RHOBTB1: variants seen among roughly 807,000 people sequenced by gnomAD.
The protein encoded by RHOBTB1 is rho-related BTB domain-containing protein 1.
A neutral mutation model predicts 71.6 loss-of-function variants in RHOBTB1; 40 were observed. That is an observed-to-expected ratio of 0.56 (90% CI 0.43 to 0.73). The LOEUF is 0.73. Ranked by LOEUF, RHOBTB1 falls within the 30% of genes least tolerant of loss-of-function variation. The probability of loss-of-function intolerance (pLI) is 0.00; values close to 1 mark genes in which losing one functional copy is unlikely to be tolerated. For missense variants in RHOBTB1, 797 were observed against 894.0 expected, an observed-to-expected ratio of 0.89 and a Z score of 1.38; for synonymous variants, 319 against 334.9, an observed-to-expected ratio of 0.95 and a Z score of 0.52.
intron 2 of RHOBTB1, among the ~76,000 whole-genome samples, chr10:60,938,207 C>T (rs564077529): frequency 6.6e-6 from 1 of 152,322 alleles, no homozygotes; most frequent in South Asian, 2.1e-4. Context: ...CATATCTTTG[C>T]ACGACTGGAA....
At chr10:60,983,238 G>T (rs181556264) in intron 2 of RHOBTB1, among the ~76,000 whole-genome samples, 3 of 152,236 alleles carry the variant, frequency 2.0e-5, no homozygotes, top group Admixed American at 2.0e-4. Context: ...GAGAAGAAAT[G>T]CTTCCTTAGG....
intron 2 of RHOBTB1, among the ~76,000 whole-genome samples, chr10:60,980,036 G>T (rs993112210): frequency 3.9e-5 from 6 of 152,198 alleles, no homozygotes; most frequent in African/African-American, 1.4e-4. Flanking sequence ...CTGACTCTGA[G>T]TGAAACAGGG....
At chr10:60,912,591 G>T (rs557993492) in intron 2 of RHOBTB1, among the ~76,000 whole-genome samples, 5 of 152,300 alleles carry the variant, frequency 3.3e-5, no homozygotes, top group African/African-American at 1.2e-4. Flanking sequence ...ATTATCTTCT[G>T]TGTTTTCATC....
chr10:60,900,609 G>A (rs529104499), intron 4 of RHOBTB1, among the ~76,000 whole-genome samples: 3 of 152,222 alleles, frequency 2.0e-5, no homozygotes, highest in South Asian at 4.2e-4. Context: ...ACAGTGTAAG[G>A]AAACAGGCCC....
intron 4 of RHOBTB1, 46 bp from the exon 5 acceptor site, chr10:60,893,041 T>C: frequency 6.8e-7 from 1 of 1,474,820 alleles, no homozygotes; most frequent in Non-Finnish European, 9.3e-7. Context: ...TTTAACAGGT[T>C]TTTTCTTTTA....
intron 2 of RHOBTB1, among the ~76,000 whole-genome samples, chr10:60,949,664 C>CTTTT (rs147906688): frequency 2.8e-5 from 3 of 108,910 alleles, no homozygotes; most frequent in Non-Finnish European, 3.7e-5. Flanking sequence ...CCAGGTGAAG[C>CTTTT]TTTTTTTTTT....
intron 2 of RHOBTB1, among the ~76,000 whole-genome samples, chr10:60,955,824 G>C (rs925351275): frequency 3.3e-5 from 5 of 152,092 alleles, no homozygotes; most frequent in African/African-American, 1.2e-4. Context: ...TCACTATCTT[G>C]AAAACTAAGG....
At chr10:60,901,916 A>G (rs893806947) in intron 4 of RHOBTB1, among the ~76,000 whole-genome samples, 1 of 152,230 alleles carries the variant, frequency 6.6e-6, no homozygotes, top group Non-Finnish European at 1.5e-5. Flanking sequence ...TTCTGGGCTG[A>G]GCCACAAAGA....
chr10:61,001,837 G>T (rs1589496850), upstream of RHOBTB1, among the ~76,000 whole-genome samples: 1 of 152,198 alleles, frequency 6.6e-6, no homozygotes, highest in South Asian at 2.1e-4. Flanking sequence ...CCGAGGGGCC[G>T]CCCTTCCTGG....
intron 7 of RHOBTB1, among the ~76,000 whole-genome samples, chr10:60,883,935 G>A (rs2081445437): frequency 6.6e-6 from 1 of 152,180 alleles, no homozygotes; most frequent in Non-Finnish European, 1.5e-5. Flanking sequence ...TCCATGTGCT[G>A]CAGTTGTCTC....
chr10:60,907,128 G>T (rs1214266669), intron 4 of RHOBTB1, among the ~76,000 whole-genome samples: 1 of 152,128 alleles, frequency 6.6e-6, no homozygotes, highest in Non-Finnish European at 1.5e-5. Flanking sequence ...TGATTGTCAG[G>T]CCTCCCCAGC....
intron 2 of RHOBTB1, among the ~76,000 whole-genome samples, chr10:60,920,255 G>A (rs2083482064): frequency 6.6e-6 from 1 of 152,196 alleles, no homozygotes; most frequent in African/African-American, 2.4e-5. Context: ...TCACAGTCAG[G>A]TGGAAAGAAA....
At chr10:60,866,962 G>C (rs2080637790), downstream of RHOBTB1, among the ~76,000 whole-genome samples, 1 of 152,006 alleles carries the variant, frequency 6.6e-6, no homozygotes, top group African/African-American at 2.4e-5. Context: ...TTTGGCCTTG[G>C]TTTTGGCCTT....
At chr10:60,964,237 C>T (rs2085881677) in intron 2 of RHOBTB1, among the ~76,000 whole-genome samples, 2 of 152,078 alleles carry the variant, frequency 1.3e-5, no homozygotes, top group South Asian at 4.1e-4. Context: ...AATTTGCTCA[C>T]AGAAGACAGA....
chr10:60,974,434 A>T (rs539645511), intron 2 of RHOBTB1, among the ~76,000 whole-genome samples: 184 of 152,220 alleles, frequency 1.2e-3, no homozygotes, highest in African/African-American at 4.2e-3. Context: ...ATGAATACTT[A>T]AGTTCACTAT....
chr10:60,872,613 G>C (rs2132183201), intron 9 of RHOBTB1, among the ~76,000 whole-genome samples: 1 of 144,864 alleles, frequency 6.9e-6, no homozygotes, highest in African/African-American at 2.5e-5. Context: ...GCCTCTGGAA[G>C]GCACCAGCCC....
intron 1 of RHOBTB1, among the ~76,000 whole-genome samples, chr10:60,994,918 A>G (rs1021892134): frequency 4.0e-5 from 6 of 151,742 alleles, no homozygotes; most frequent in African/African-American, 1.2e-4. Context: ...TAGATAAGTA[A>G]AAAAACAAAA....
chr10:60,881,437 T>C (rs2081324635), intron 7 of RHOBTB1, among the ~76,000 whole-genome samples: 1 of 152,218 alleles, frequency 6.6e-6, no homozygotes, highest in Non-Finnish European at 1.5e-5. Flanking sequence ...ATTGTTAATA[T>C]ACCAAGTCCC....
chr10:60,997,806 G>C (rs921952369), intron 1 of RHOBTB1, among the ~76,000 whole-genome samples: 6 of 152,210 alleles, frequency 3.9e-5, no homozygotes, highest in Non-Finnish European at 7.3e-5. Context: ...CTCAGGATTG[G>C]TCTGGGCAAC....
Sources: gnomAD v4.1 joint callset for allele counts (sites outside exome capture counted in the v4.1 genomes callset) on GRCh38, gnomAD v4.1.1 for gene constraint, MANE v1.5 for transcripts, NCBI Gene and HGNC (gene_info 2026-07-23, HGNC 2026-07-21) for gene names.